CREB5: variants seen among roughly 807,000 people sequenced by gnomAD.
CREB5 encodes the protein cAMP responsive element binding protein 5, also known as cyclic AMP-responsive element-binding protein 5.
CREB5 carries 19 observed loss-of-function variants against 57.1 expected under a neutral mutation model. The observed-to-expected ratio is 0.33, with a 90% confidence interval of 0.23 to 0.49. The LOEUF is 0.49. Among genes scored for constraint, CREB5 ranks in the 20% least tolerant of loss-of-function variants. The pLI is 0.99. For missense variants in CREB5, 579 were observed against 671.6 expected (o/e 0.86, Z 1.52); for synonymous variants, 238 against 238.3 (o/e 1.00, Z 0.01).
chr7:28,818,186 C>T lies in CREB5; in HGVS notation c.1363+7C>T, dbSNP rs752617977. 2.3e-5 allele frequency: 36 copies of T among 1,598,540 alleles called. No homozygotes were observed. The highest frequency in any genetic ancestry group is 5.1e-5 in the Admixed American group (3 of 58,438). ...GAATCACAAGGATATCTAAGTAAGT[C>T]GCCGACTTTTTCACTTTTCTTTAGT... On this transcript the variant is annotated splice_region_variant and intron_variant, in intron 10 of 10. Coordinates refer to ENST00000357727, the MANE Select transcript of CREB5 (RefSeq NM_182898.4).
chr7:28,450,982 C>A (rs1331489004), intron 1 of CREB5, among the ~76,000 whole-genome samples: 1 of 152,142 alleles, frequency 6.6e-6, no homozygotes, highest in African/African-American at 2.4e-5. Flanking sequence ...GGGAACCTGG[C>A]TCTTTGTGCC....
intron 7 of CREB5, among the ~76,000 whole-genome samples, chr7:28,790,496 G>T (rs2128790872): frequency 6.6e-6 from 1 of 151,096 alleles, no homozygotes; most frequent in East Asian, 1.9e-4. Flanking sequence ...GAAAGAGAAG[G>T]AAAAAGAAAG....
intron 1 of CREB5, among the ~76,000 whole-genome samples, chr7:28,350,082 C>T (rs1475918518): frequency 1.3e-5 from 2 of 152,126 alleles, no homozygotes; most frequent in African/African-American, 4.8e-5. Flanking sequence ...AGGCATTCAG[C>T]CATCATTGGT....
intron 5 of CREB5, among the ~76,000 whole-genome samples, chr7:28,622,776 T>A (rs1227806390): frequency 2.6e-5 from 4 of 151,486 alleles, no homozygotes; most frequent in African/African-American, 9.7e-5. Flanking sequence ...ATCCTAGAAC[T>A]TTGGGAGGCC....
At chr7:28,623,651 C>T (rs1044996101) in intron 5 of CREB5, among the ~76,000 whole-genome samples, 3 of 152,272 alleles carry the variant, frequency 2.0e-5, no homozygotes, top group African/African-American at 7.2e-5. Context: ...TGAGTGAAAA[C>T]ATATCTCAGT....
chr7:28,511,752 C>G (rs925481085), intron 4 of CREB5, among the ~76,000 whole-genome samples: 1 of 152,222 alleles, frequency 6.6e-6, no homozygotes. Context: ...TCCCAAAGTG[C>G]TGGGATTACC....
intron 7 of CREB5, among the ~76,000 whole-genome samples, chr7:28,801,463 G>A (rs572199608): frequency 3.3e-5 from 5 of 151,918 alleles, no homozygotes; most frequent in African/African-American, 1.2e-4. Context: ...ACTTCTCCTG[G>A]GGGTAAAGAA....
At chr7:28,689,404 C>T (rs1407520019) in intron 5 of CREB5, among the ~76,000 whole-genome samples, 1 of 152,032 alleles carries the variant, frequency 6.6e-6, no homozygotes, top group Non-Finnish European at 1.5e-5. Context: ...GGAGGCGGAG[C>T]TTGCAGTAAG....
At chr7:28,560,865 C>CGTG (rs1491128731) in intron 4 of CREB5, among the ~76,000 whole-genome samples, 780 of 14,792 alleles carry the variant, frequency 0.053, 80 homozygotes, top group South Asian at 0.13. Flanking sequence ...TGTGCGTGTG[C>CGTG]CTGCGTGCGC....
intron 1 of CREB5, among the ~76,000 whole-genome samples, chr7:28,458,620 G>GA (rs1380420673): frequency 6.6e-6 from 1 of 152,172 alleles, no homozygotes; most frequent in Non-Finnish European, 1.5e-5. Context: ...GTAGTTTGTT[G>GA]AAAAAATCAC....
At chr7:28,711,065 A>G (rs1382670679) in intron 5 of CREB5, among the ~76,000 whole-genome samples, 2 of 152,180 alleles carry the variant, frequency 1.3e-5, no homozygotes, top group African/African-American at 4.8e-5. Context: ...AATGAGCGAG[A>G]GAGGTGGTCA....
intron 7 of CREB5, among the ~76,000 whole-genome samples, chr7:28,789,934 C>T (rs746078933): frequency 1.3e-5 from 2 of 152,182 alleles, no homozygotes; most frequent in African/African-American, 4.8e-5. Context: ...TACTTTCCCT[C>T]TGTCTGTGTC....
intron 1 of CREB5, among the ~76,000 whole-genome samples, chr7:28,462,535 CA>C (rs1183289768): frequency 1.3e-5 from 2 of 152,134 alleles, no homozygotes; most frequent in African/African-American, 4.8e-5. Context: ...TTTACAAACC[CA>C]CCAGCAATAT....
intron 5 of CREB5, among the ~76,000 whole-genome samples, chr7:28,645,582 T>C (rs1262118059): frequency 6.6e-6 from 1 of 152,244 alleles, no homozygotes; most frequent in East Asian, 1.9e-4. Flanking sequence ...TCATATGTTA[T>C]GATTGGAGAT....
intron 5 of CREB5, among the ~76,000 whole-genome samples, chr7:28,698,369 A>C (rs77597886): frequency 2.1e-5 from 3 of 144,954 alleles, no homozygotes; most frequent in Admixed American, 1.4e-4. Context: ...AAAAAAAAAA[A>C]AACACACTCA....
At chr7:28,521,814 G>C (rs1312478869) in intron 4 of CREB5, among the ~76,000 whole-genome samples, 1 of 152,112 alleles carries the variant, frequency 6.6e-6, no homozygotes, top group Admixed American at 6.5e-5. Context: ...AATGTGTTAG[G>C]AAAGGATATT....
chr7:28,529,673 A>G (rs1252563032), intron 4 of CREB5, among the ~76,000 whole-genome samples: 1 of 152,154 alleles, frequency 6.6e-6, no homozygotes, highest in Non-Finnish European at 1.5e-5. Flanking sequence ...TGGCCCTCTG[A>G]GAGGGAGAGC....
intron 7 of CREB5, among the ~76,000 whole-genome samples, chr7:28,765,150 T>C (rs1207946712): frequency 6.6e-6 from 1 of 152,242 alleles, no homozygotes; most frequent in Non-Finnish European, 1.5e-5. Context: ...ACTTTTCTTA[T>C]AAATGTGTGT....
chr7:28,510,776 C>A (rs441355), intron 4 of CREB5, among the ~76,000 whole-genome samples: 40,804 of 152,100 alleles, frequency 0.27, 6,893 homozygotes, highest in Non-Finnish European at 0.36. Flanking sequence ...GCAGACAACA[C>A]GTTCCATAAT....
Sources: allele counts gnomAD v4.1 joint callset (sites outside exome capture counted in the v4.1 genomes callset), GRCh38; gene constraint gnomAD v4.1.1; transcripts MANE v1.5; gene names NCBI Gene and HGNC (gene_info 2026-07-23, HGNC 2026-07-21).